Variants in PLCB1 observed in about 807,000 individuals in gnomAD.
PLCB1 encodes the protein phospholipase C beta 1, also known as 1-phosphatidylinositol 4,5-bisphosphate phosphodiesterase beta-1.
A neutral mutation model predicts 161.8 loss-of-function variants in PLCB1; 46 were observed. That is an observed-to-expected ratio of 0.28 (90% confidence interval 0.22 to 0.36). The LOEUF (loss-of-function observed/expected upper bound fraction) is 0.36, where lower values mean the gene tolerates loss of function less well. PLCB1 is among the 10% of genes least tolerant of loss of function. The pLI is 1.00. For missense variants in PLCB1, 1,016 were observed against 1,472.5 expected (o/e 0.69, Z 5.07); for synonymous variants, 517 against 503.7 (o/e 1.03, Z -0.35).
chr20:8,724,536 T>C lies in PLCB1; in HGVS notation c.1582-120T>C, dbSNP rs1979828922. Reference sequence around the variant, plus strand: ...CCTGTAATGAATTTTCATTTTGTAATTTTCAGAAAGGGAGGGATGATTTTC... The same window carrying C: ...CCTGTAATGAATTTTCATTTTGTAACTTTCAGAAAGGGAGGGATGATTTTC... On this transcript the variant is annotated intron_variant, in intron 15 of 31. Coordinates refer to ENST00000338037, the MANE Select transcript of PLCB1 (RefSeq NM_015192.4). The C allele has an allele frequency of 7.9e-5, 54 of 683,876 alleles. 3 individuals carry two copies. In the South Asian group the frequency reaches 8.6e-4, roughly 11 times the overall value. The allele number at this position is 683,876 out of a possible 1,614,324, so 42.4% of individuals were successfully genotyped here.
chr20:8,738,832 A>C (rs1980718659), intron 20 of PLCB1, among the ~76,000 whole-genome samples: 1 of 152,234 alleles, frequency 6.6e-6, no homozygotes, highest in Non-Finnish European at 1.5e-5. Context: ...AAAGTAGCTA[A>C]GTAGAAACTT....
chr20:8,438,220 C>A (rs928414327), intron 3 of PLCB1, among the ~76,000 whole-genome samples: 3 of 152,100 alleles, frequency 2.0e-5, no homozygotes, highest in Non-Finnish European at 4.4e-5. Context: ...CAATGAATAT[C>A]CGTATATAAA....
intron 4 of PLCB1, among the ~76,000 whole-genome samples, chr20:8,634,990 G>A (rs946041999): frequency 4.6e-5 from 7 of 151,650 alleles, no homozygotes; most frequent in African/African-American, 1.2e-4. Context: ...TAGGCCTCCC[G>A]AGGGACTCAG....
intron 3 of PLCB1, among the ~76,000 whole-genome samples, chr20:8,436,676 G>A (rs1397130179): frequency 6.6e-6 from 1 of 152,036 alleles, no homozygotes; most frequent in Non-Finnish European, 1.5e-5. Context: ...ATCCAGGAAG[G>A]ATCCCTGATT....
intron 3 of PLCB1, among the ~76,000 whole-genome samples, chr20:8,416,385 A>C (rs915210815): frequency 1.3e-5 from 2 of 152,232 alleles, no homozygotes; most frequent in African/African-American, 4.8e-5. Flanking sequence ...TATTACATTG[A>C]ATTAGATTTA....
chr20:8,412,419 T>A (rs539722393), intron 3 of PLCB1, among the ~76,000 whole-genome samples: 3 of 152,258 alleles, frequency 2.0e-5, no homozygotes, highest in South Asian at 2.1e-4. Context: ...AATTATCACA[T>A]CCACTACACA....
chr20:8,780,427 G>T (rs1983158946), intron 27 of PLCB1, among the ~76,000 whole-genome samples: 1 of 152,126 alleles, frequency 6.6e-6, no homozygotes, highest in Admixed American at 6.5e-5. Context: ...TACCGTATGT[G>T]TTATCCTCTG....
At chr20:8,870,066 A>G (rs375033175) in intron 31 of PLCB1, among the ~76,000 whole-genome samples, 8 of 152,344 alleles carry the variant, frequency 5.3e-5, no homozygotes, top group African/African-American at 9.6e-5. Context: ...TGACCACATC[A>G]TCTTCAAGGA....
chr20:8,191,776 T>A (rs185864631), intron 2 of PLCB1, among the ~76,000 whole-genome samples: 190 of 152,148 alleles, frequency 1.2e-3, no homozygotes, highest in Non-Finnish European at 2.1e-3. Flanking sequence ...AAATACATAT[T>A]AGATGAGGGT....
chr20:8,386,373 T>TTGCTC (rs1987426750), intron 3 of PLCB1, among the ~76,000 whole-genome samples: 1 of 152,200 alleles, frequency 6.6e-6, no homozygotes, highest in East Asian at 1.9e-4. Flanking sequence ...TCCTTGTATA[T>TTGCTC]CACCATCAGA....
intron 1 of PLCB1, among the ~76,000 whole-genome samples, chr20:8,139,081 GTTTTTT>G (rs71329695): frequency 1.1e-5 from 1 of 91,628 alleles, no homozygotes; most frequent in Non-Finnish European, 2.0e-5. Flanking sequence ...TATTTCAAGG[GTTTTTT>G]TTTTTTTTTT....
intron 3 of PLCB1, among the ~76,000 whole-genome samples, chr20:8,493,860 A>T (rs58111432): frequency 7.7e-5 from 9 of 116,874 alleles, no homozygotes; most frequent in African/African-American, 1.9e-4. Flanking sequence ...GCTGTGTGCT[A>T]TAGCATCACT....
intron 3 of PLCB1, among the ~76,000 whole-genome samples, chr20:8,562,534 C>T (rs1986175137): frequency 6.6e-6 from 1 of 152,052 alleles, no homozygotes. Context: ...CAAGGCAATC[C>T]CATTTGCTCT....
intron 3 of PLCB1, among the ~76,000 whole-genome samples, chr20:8,517,721 G>T (rs1342239575): frequency 6.6e-6 from 1 of 152,114 alleles, no homozygotes; most frequent in Admixed American, 6.5e-5. Flanking sequence ...ATGAATCTCT[G>T]GATTGGCTAC....
intron 2 of PLCB1, among the ~76,000 whole-genome samples, chr20:8,334,713 T>G (rs1219549460): frequency 6.6e-6 from 1 of 152,228 alleles, no homozygotes; most frequent in African/African-American, 2.4e-5. Context: ...AGCCGTGACT[T>G]AGAGAAATGT....
chr20:8,682,121 C>G (rs898973773), intron 9 of PLCB1, among the ~76,000 whole-genome samples: 2 of 151,988 alleles, frequency 1.3e-5, no homozygotes, highest in Non-Finnish European at 2.9e-5. Flanking sequence ...TTCAATAAAC[C>G]TTTGTGAAAT....
At position 8,831,966 on chromosome 20, in the gene PLCB1, CTTTCTTTCTTTCT is replaced by C. The variant is rs1986029975; in HGVS notation, c.3423+41708_3423+41720del. Among the ~76,000 whole-genome samples, 4 of 92,516 alleles carry C rather than the reference CTTTCTTTCTTTCT, an allele frequency of 4.3e-5. 1 individual carries two copies. The highest frequency in any genetic ancestry group is 1.3e-4 in the African/African-American group (4 of 31,376). The allele number at this position is 92,516 out of a possible 152,430, so 60.7% of individuals were successfully genotyped here. ...TCTTTCTTTCTTTCTTTCTTTCTTTCTTTCTTTCTTTCTTTCCTTCTTTCTTTCTGTGCTTCTT... is the reference window on the plus strand; with the variant it reads ...TCTTTCTTTCTTTCTTTCTTTCTTTCTTCCTTCTTTCTTTCTGTGCTTCTT... On this transcript the variant is annotated intron_variant, in intron 31 of 31. Coordinates refer to ENST00000338037, the MANE Select transcript of PLCB1 (RefSeq NM_015192.4).
chr20:8,606,338 C>T (rs1987757296), intron 3 of PLCB1, among the ~76,000 whole-genome samples: 1 of 152,056 alleles, frequency 6.6e-6, no homozygotes, highest in African/African-American at 2.4e-5. Flanking sequence ...ATAAGATTAT[C>T]CAACCAGGAG....
At position 8,724,694 on chromosome 20, in the gene PLCB1, G is replaced by A. The variant is rs1979836928; in HGVS notation, c.1620G>A (p.Met540Ile). The A allele has an allele frequency of 6.2e-7, 1 of 1,611,808 alleles. No individual in the cohort carries two copies. Among genetic ancestry groups the A allele is most frequent in the Non-Finnish European group, 8.5e-7 (1 of 1,178,282 alleles). Reference protein sequence around the residue: ...AGSEAMATEEMSNLVNYIQPV... With the variant: ...AGSEAMATEEISNLVNYIQPV... ...GTGAGGCTATGGCCACAGAAGAAAT[G>A]TCTAATCTGGTGAACTATATTCAGC... The change falls in exon 16 of 32, where the codon ATG (methionine) becomes ATA (isoleucine). Residue 540 changes from methionine (M) to isoleucine (I), a missense_variant. Physicochemically the swap from Met to Ile is conservative, Grantham distance 10. Coordinates refer to ENST00000338037, the MANE Select transcript of PLCB1 (RefSeq NM_015192.4).
Sources: allele counts gnomAD v4.1 joint callset (sites outside exome capture counted in the v4.1 genomes callset), GRCh38; gene constraint gnomAD v4.1.1; transcripts MANE v1.5; gene names NCBI Gene and HGNC (gene_info 2026-07-23, HGNC 2026-07-21).